EXOSC5: variants seen among roughly 807,000 people sequenced by gnomAD.
EXOSC5 encodes the protein exosome component 5, also known as exosome complex component RRP46.
Under a neutral mutation model 23.7 loss-of-function variants are expected in EXOSC5, and 15 were observed. The observed-to-expected ratio is 0.63, with a 90% CI of 0.42 to 0.97. The LOEUF (loss-of-function observed/expected upper bound fraction) is 0.97. Ranked by LOEUF, EXOSC5 falls within the 50% of genes least tolerant of loss-of-function variation. EXOSC5 has a pLI of 0.00. For synonymous variants in EXOSC5, 143 were observed against 140.9 expected (o/e 1.02, Z -0.11); for missense variants, 305 against 316.3 (o/e 0.96, Z 0.27).
At position 41,386,585 on chromosome 19, in the gene EXOSC5, G is replaced by C. The variant is rs1161906690; in HGVS notation, c.*48C>G. The C allele has an allele frequency of 6.5e-7, 1 of 1,533,186 alleles. No individual in the cohort carries two copies. The highest frequency in any genetic ancestry group is 8.8e-7 in the Non-Finnish European group (1 of 1,132,258). The allele number at this position is 1,533,186 out of a possible 1,614,324, so 95.0% of individuals were successfully genotyped here. A position where few individuals can be genotyped will look rare whatever the true frequency, so the allele number is the denominator to read the frequency against. Reference sequence around the variant, plus strand: ...CTGCTGGTTTGCTTCAGGCTGTAGGGGGTGAGTGGGTGGAGGCAATGGGAG... The same window carrying C: ...CTGCTGGTTTGCTTCAGGCTGTAGGCGGTGAGTGGGTGGAGGCAATGGGAG... On this transcript the variant is annotated 3_prime_UTR_variant, in exon 6 of 6. Transcript: ENST00000221233.
intron 5 of EXOSC5, 101 bp downstream of exon 5, chr19:41,387,413 G>A (rs966713526): frequency 3.4e-6 from 3 of 888,842 alleles, no homozygotes; most frequent in African/African-American, 3.5e-5. Flanking sequence ...AATTTAAGAG[G>A]CTCTCCTGAA....
At position 41,386,671 on chromosome 19, in the gene EXOSC5, A is replaced by G; in HGVS notation, c.670T>C (p.Tyr224His). 1 of 1,603,484 alleles carries G rather than the reference A, an allele frequency of 6.2e-7. No individual in the cohort carries two copies. Among genetic ancestry groups the G allele is most frequent in the Non-Finnish European group, 8.5e-7 (1 of 1,175,368 alleles). Reference sequence around the variant, plus strand: ...TAACGCCTCTGCAGCGATTCCCGGTAGAAACGGAAGACGTGTTGCGAAGCG... The same window carrying G: ...TAACGCCTCTGCAGCGATTCCCGGTGGAAACGGAAGACGTGTTGCGAAGCG... ...QAASQHVFRF[Y>H]RESLQRRYSK... Residue 224 changes from tyrosine (Y) to histidine (H), a missense_variant, in exon 6 of 6, where the codon TAC becomes CAC. Tyr to His is a moderately conservative substitution (Grantham distance 83). Transcript: ENST00000221233.
In EXOSC5 at chr19:41,389,747, C is replaced by A; in HGVS notation, c.525+18G>T. The A allele has an allele frequency of 6.2e-7, 1 of 1,609,824 alleles. No homozygotes were observed. Among genetic ancestry groups the A allele is most frequent in the Non-Finnish European group, 8.5e-7 (1 of 1,178,146 alleles). ...TGTCTGGCCTCTGCCCTTCAGCCAC[C>A]CTGGTCTTCACACCTACCTTTTCTT... On this transcript the variant is annotated intron_variant, in intron 4 of 5. Coordinates refer to ENST00000221233, the MANE Select transcript of EXOSC5 (RefSeq NM_020158.4).
intron 1 of EXOSC5, among the ~76,000 whole-genome samples, chr19:41,395,037 A>G: frequency 9.3e-6 from 1 of 107,556 alleles, no homozygotes. Context: ...CCATCTCAAA[A>G]AAAAAAAAAG....
At chr19:41,392,655 G>C (rs1055252088) in intron 2 of EXOSC5, among the ~76,000 whole-genome samples, 2 of 151,910 alleles carry the variant, frequency 1.3e-5, no homozygotes, top group Non-Finnish European at 2.9e-5. Flanking sequence ...AGTGGAGGCA[G>C]AGAGAGGGAG....
Position 41,397,316 on chromosome 19 carries a change from T to C in EXOSC5, c.13A>G (p.Thr5Ala), listed in dbSNP as rs1007914607. The change falls in exon 1 of 6, where the codon ACG (threonine) becomes GCG (alanine). Residue 5 changes from threonine (T) to alanine (A), a missense_variant. Thr to Ala is a moderately conservative substitution (Grantham distance 58, BLOSUM62 0). Coordinates refer to ENST00000221233, the MANE Select transcript of EXOSC5 (RefSeq NM_020158.4). MEEE[T>A]HTDAKIRAEN... ...GCACGGATTTTGGCGTCAGTATGCG[T>C]CTCCTCCTCCATCGCGCCGAGCCCA... is the stretch of plus-strand genomic sequence containing the variant. The C allele has an allele frequency of 4.3e-6, 7 of 1,612,722 alleles. No individual in the cohort carries two copies. In the African/African-American group the frequency reaches 9.3e-5, roughly 22 times the overall value.
chr19:41,389,645 C>T (rs1281501515), intron 4 of EXOSC5, 120 bp downstream of exon 4: 6 of 1,383,478 alleles, frequency 4.3e-6, no homozygotes, highest in Non-Finnish European at 4.9e-6. Flanking sequence ...ATTAGAGCAG[C>T]CCTTGCTAAG....
At chr19:41,393,809 T>A (rs1250372462) in intron 1 of EXOSC5, among the ~76,000 whole-genome samples, 5 of 152,028 alleles carry the variant, frequency 3.3e-5, no homozygotes, top group African/African-American at 1.2e-4. Flanking sequence ...TCTGCCCGCC[T>A]CCCAAAGCGC....
At chr19:41,393,446 G>C (rs1454590014) in intron 1 of EXOSC5, among the ~76,000 whole-genome samples, 1 of 152,130 alleles carries the variant, frequency 6.6e-6, no homozygotes, top group Non-Finnish European at 1.5e-5. Flanking sequence ...TATATTTTTA[G>C]TAGAGAGGGG....
Position 41,387,195 on chromosome 19 carries a change from T to C in EXOSC5, c.615+319A>G, listed in dbSNP as rs564496725. Reference sequence around the variant, plus strand: ...TTTTGCAGACAGTCATGTCCAAGAGTTTCCAGGCTCTGCCCCTTAGCCTGA... The same window carrying C: ...TTTTGCAGACAGTCATGTCCAAGAGCTTCCAGGCTCTGCCCCTTAGCCTGA... On this transcript the variant is annotated intron_variant, in intron 5 of 5. Coordinates refer to ENST00000221233, the MANE Select transcript of EXOSC5 (RefSeq NM_020158.4). Among the ~76,000 whole-genome samples, 3 of 152,186 alleles carry C rather than the reference T, an allele frequency of 2.0e-5. No homozygotes were observed. In the East Asian group the frequency reaches 5.8e-4, roughly 29 times the overall value.
intron 1 of EXOSC5, among the ~76,000 whole-genome samples, chr19:41,395,997 A>T (rs1030530950): frequency 2.0e-5 from 3 of 151,990 alleles, no homozygotes; most frequent in Non-Finnish European, 4.4e-5. Flanking sequence ...CTACATCCAG[A>T]ATCTCATCAC....
In EXOSC5 at chr19:41,386,407, C is replaced by A; in HGVS notation, c.*226G>T. Reference sequence around the variant, plus strand: ...AATTAATTTATTGATTCATCCATTCCATAAATGTGAGCTCCTTTGAATGTT... The same window carrying A: ...AATTAATTTATTGATTCATCCATTCAATAAATGTGAGCTCCTTTGAATGTT... On this transcript the variant is annotated 3_prime_UTR_variant, in exon 6 of 6. Coordinates refer to ENST00000221233, the MANE Select transcript of EXOSC5 (RefSeq NM_020158.4). 1 of 512,296 alleles carries A rather than the reference C, an allele frequency of 2.0e-6. No individual in the cohort carries two copies. The highest frequency in any genetic ancestry group is 3.5e-6 in the Non-Finnish European group (1 of 287,066). 31.7% of individuals were successfully genotyped at this position (512,296 alleles called of 1,614,324 possible).
At chr19:41,387,951 G>C (rs191182428) in intron 4 of EXOSC5, among the ~76,000 whole-genome samples, 176 of 151,786 alleles carry the variant, frequency 1.2e-3, no homozygotes, top group African/African-American at 3.7e-3. Context: ...GTGAGACCCT[G>C]TCTCAACGCT....
Position 41,386,536 on chromosome 19 carries a change from A to G in EXOSC5, c.*97T>C, listed in dbSNP as rs1371894352. The G allele has an allele frequency of 2.4e-6, 3 of 1,243,586 alleles. No individual in the cohort carries two copies. The East Asian group carries it at 7.7e-5, about 32-fold the overall frequency. The allele number at this position is 1,243,586 out of a possible 1,614,324, so 77.0% of individuals were successfully genotyped here. ...ACAGAGCTGCAGGCTCAAGGAGCCC[A>G]TGGGTCAGAGAGGCAAGGCTGGGCT... On this transcript the variant is annotated 3_prime_UTR_variant, in exon 6 of 6. Transcript: ENST00000221233.
At chr19:41,396,047 C>T (rs2039060339) in intron 1 of EXOSC5, among the ~76,000 whole-genome samples, 1 of 152,154 alleles carries the variant, frequency 6.6e-6, no homozygotes, top group Admixed American at 6.6e-5. Context: ...CCATCACCTC[C>T]CTGTTTTCCC....
At chr19:41,393,333 C>G (rs902048466) in intron 1 of EXOSC5, among the ~76,000 whole-genome samples, 1 of 152,122 alleles carries the variant, frequency 6.6e-6, no homozygotes, top group East Asian at 1.9e-4. Context: ...GGTGCCATCA[C>G]GGCTCATTGC....
chr19:41,386,523 G>T lies in EXOSC5; in HGVS notation c.*110C>A. 2 of 1,085,086 alleles carry T rather than the reference G, an allele frequency of 1.8e-6. No individual in the cohort carries two copies. Among genetic ancestry groups the T allele is most frequent in the Non-Finnish European group, 2.6e-6 (2 of 756,696 alleles). 67.2% of individuals were successfully genotyped at this position (1,085,086 alleles called of 1,614,324 possible). Reference sequence around the variant, plus strand: ...GAGCCCTGTGGTTACAGAGCTGCAGGCTCAAGGAGCCCATGGGTCAGAGAG... The same window carrying T: ...GAGCCCTGTGGTTACAGAGCTGCAGTCTCAAGGAGCCCATGGGTCAGAGAG... On this transcript the variant is annotated 3_prime_UTR_variant, in exon 6 of 6. Transcript: ENST00000221233.
rs376614222 is a variant in EXOSC5 at position 41,389,881 on chromosome 19, C to T, written c.409G>A (p.Ala137Thr). Residue 137 changes from alanine to threonine, a missense_variant, in exon 4 of 6, where the codon GCC (alanine) becomes ACC (threonine). Coordinates refer to ENST00000221233, the MANE Select transcript of EXOSC5 (RefSeq NM_020158.4). The part of the protein sequence containing the change: ...GSLLACCLNA[A>T]CMALVDAGVP... ...CCTGCATCCACCAATGCCATGCAGG[C>T]GGCATTCAGACAACAGGCCAGGAGC... The T allele has an allele frequency of 1.1e-4, 184 of 1,611,100 alleles. No homozygotes were observed. In the East Asian group the frequency reaches 1.3e-3, roughly 11 times the overall value.
At chr19:41,389,555 G>A (rs1471134602) in intron 4 of EXOSC5, among the ~76,000 whole-genome samples, 1 of 152,152 alleles carries the variant, frequency 6.6e-6, no homozygotes, top group Non-Finnish European at 1.5e-5. Context: ...GTGAGCCACC[G>A]CTCCCGGCCC....
Sources: allele counts gnomAD v4.1 joint callset (sites outside exome capture counted in the v4.1 genomes callset), GRCh38; gene constraint gnomAD v4.1.1; transcripts MANE v1.5; gene names NCBI Gene and HGNC (gene_info 2026-07-23, HGNC 2026-07-21).